DENND4A: variants seen among roughly 807,000 people sequenced by gnomAD.
The protein encoded by DENND4A is DENN domain containing 4A.
A neutral mutation model predicts 199.3 loss-of-function variants in DENND4A; 70 were observed. That is an observed-to-expected ratio of 0.35 (90% CI 0.29 to 0.43). DENND4A has a LOEUF of 0.43. Among genes scored for constraint, DENND4A ranks in the 20% least tolerant of loss-of-function variants. The pLI is 1.00. For missense variants in DENND4A, 1,723 were observed against 2,255.8 expected (o/e 0.76, Z 4.78); for synonymous variants, 686 against 766.9 (o/e 0.89, Z 1.74).
intron 23 of DENND4A, among the ~76,000 whole-genome samples, chr15:65,686,340 G>C (rs2076779748): frequency 6.6e-6 from 1 of 152,104 alleles, no homozygotes; most frequent in Non-Finnish European, 1.5e-5. Context: ...TGTAGTTGTT[G>C]AGTGTATATT....
intron 12 of DENND4A, among the ~76,000 whole-genome samples, chr15:65,718,843 G>A (rs1303892609): frequency 7.8e-6 from 1 of 127,464 alleles, no homozygotes; most frequent in Admixed American, 1.0e-4. Context: ...ACAGTGGCAC[G>A]ATCTCAGCTT....
chr15:65,756,585 A>G (rs2076706859), intron 2 of DENND4A, 113 bp from the exon 3 acceptor site: 1 of 649,518 alleles, frequency 1.5e-6, no homozygotes, highest in Non-Finnish European at 2.6e-6. Context: ...TCCTTGATAA[A>G]CACAGTAGCA....
In DENND4A at chr15:65,704,750, C is replaced by A. The variant is rs1596478583; in HGVS notation, c.2087+1341G>T. 3.3e-5 allele frequency among the ~76,000 whole-genome samples: 5 copies of A among 152,120 alleles called. No homozygotes were observed. The South Asian group carries it at 1.0e-3, about 32-fold the overall frequency. Reference sequence around the variant, plus strand: ...GGATTACAGGCACCTGCAACCATGCCTAGCTAATTTTTGTATTTTTAGCAG... The same window carrying A: ...GGATTACAGGCACCTGCAACCATGCATAGCTAATTTTTGTATTTTTAGCAG... On this transcript the variant is annotated intron_variant, in intron 15 of 32. Transcript: ENST00000443035.
chr15:65,708,477 CT>C (rs1379790368), intron 14 of DENND4A, among the ~76,000 whole-genome samples: 5 of 152,120 alleles, frequency 3.3e-5, no homozygotes, highest in South Asian at 4.1e-4. Flanking sequence ...AAATTTTGCA[CT>C]GTAGACTCAA....
chr15:65,784,869 G>A (rs146859516), intron 1 of DENND4A, among the ~76,000 whole-genome samples: 4 of 152,110 alleles, frequency 2.6e-5, no homozygotes, highest in East Asian at 3.9e-4. Flanking sequence ...CACCTGGGCC[G>A]GGCAATGGTG....
chr15:65,697,219 G>A (rs1462906414), intron 21 of DENND4A, 48 bp downstream of exon 21: 4 of 1,164,868 alleles, frequency 3.4e-6, no homozygotes, highest in Non-Finnish European at 5.0e-6. Flanking sequence ...CATTTTCTAT[G>A]AATATAAGTT....
chr15:65,686,418 A>AC (rs1491091183), intron 23 of DENND4A, among the ~76,000 whole-genome samples: 6 of 152,074 alleles, frequency 3.9e-5, no homozygotes, highest in Admixed American at 2.0e-4. Flanking sequence ...AATTTTTGTT[A>AC]CCTCTTCTAT....
At position 65,715,513 on chromosome 15, in the gene DENND4A, C is replaced by T; in HGVS notation, c.1918G>A (p.Ala640Thr). ...CAATCATCAAAAAATGCCAGGCTTG[C>T]ATCTTTGTCACTAACAAAAGAACAT... is the stretch of plus-strand genomic sequence containing the variant. Reference protein sequence around the residue: ...EECSFVSDKDASLAFFDDCVD... With the variant: ...EECSFVSDKDTSLAFFDDCVD... The change falls in exon 14 of 33, where the codon GCA becomes ACA. Residue 640 changes from alanine to threonine, a missense_variant. Coordinates refer to ENST00000443035, the MANE Select transcript of DENND4A (RefSeq NM_001320835.1). The T allele has an allele frequency of 6.2e-7, 1 of 1,611,722 alleles. No individual in the cohort carries two copies. Among genetic ancestry groups the T allele is most frequent in the Non-Finnish European group, 8.5e-7 (1 of 1,179,350 alleles).
At chr15:65,714,403 A>T (rs183731037) in intron 14 of DENND4A, among the ~76,000 whole-genome samples, 90 of 134,800 alleles carry the variant, frequency 6.7e-4, no homozygotes, top group African/African-American at 2.5e-3. Flanking sequence ...ACAGAGCGAG[A>T]CTCCGTCTCA....
rs1181108918 is a variant in DENND4A at position 65,706,310 on chromosome 15, C to CT, written c.1954-87dup. 1.5e-5 allele frequency: 19 copies of CT among 1,252,774 alleles called. No homozygotes were observed. The South Asian group carries it at 2.5e-4, about 17-fold the overall frequency. The allele number at this position is 1,252,774 out of a possible 1,614,324, so 77.6% of individuals were successfully genotyped here. A position where few individuals can be genotyped will look rare whatever the true frequency, so the allele number is the denominator to read the frequency against. On this transcript the variant is annotated intron_variant, in intron 14 of 32. Coordinates refer to ENST00000443035, the MANE Select transcript of DENND4A (RefSeq NM_001320835.1). ...AAAGGGAAGTGGTTAAATAAACCAT[C>CT]TGCACAATGGATACTAAACAGCTAT...
chr15:65,664,285 TC>T, intron 32 of DENND4A, 44 bp downstream of exon 32: 1 of 1,069,644 alleles, frequency 9.3e-7, no homozygotes. Context: ...TGAAAACTAT[TC>T]CATGATATAT....
At chr15:65,790,284 C>T (rs1228325332) in intron 1 of DENND4A, among the ~76,000 whole-genome samples, 1 of 152,142 alleles carries the variant, frequency 6.6e-6, no homozygotes, top group Non-Finnish European at 1.5e-5. Flanking sequence ...TCCTGGCTCT[C>T]TTGCACAGAC....
In DENND4A at chr15:65,772,464, T is replaced by C. The variant is rs549275401; in HGVS notation, c.-101-11026A>G. Among the ~76,000 whole-genome samples the C allele has an allele frequency of 1.3e-3, 199 of 152,058 alleles. 1 individual carries two copies. The highest frequency in any genetic ancestry group is 4.6e-3 in the African/African-American group (192 of 41,468). Reference sequence around the variant, plus strand: ...TGGCTCACACCTGTAATCCCAGCACTTTGGGAGGCCAAGGCAGGCAGACCA... The same window carrying C: ...TGGCTCACACCTGTAATCCCAGCACCTTGGGAGGCCAAGGCAGGCAGACCA... On this transcript the variant is annotated intron_variant, in intron 1 of 32. Transcript: ENST00000443035.
At chr15:65,777,106 T>C (rs1296887470) in intron 1 of DENND4A, among the ~76,000 whole-genome samples, 1 of 152,074 alleles carries the variant, frequency 6.6e-6, no homozygotes, top group Non-Finnish European at 1.5e-5. Context: ...AAGCGGAGGA[T>C]GCAGTGAGCT....
chr15:65,772,171 A>T (rs2077151557), intron 1 of DENND4A: 1 of 689,938 alleles, frequency 1.4e-6, no homozygotes, highest in African/African-American at 1.8e-5. Flanking sequence ...ATTTTCAATT[A>T]CATTAGCAAC....
chr15:65,674,006 TG>T (rs1157720674), intron 24 of DENND4A, among the ~76,000 whole-genome samples: 7 of 151,456 alleles, frequency 4.6e-5, no homozygotes, highest in Admixed American at 3.9e-4. Flanking sequence ...AAGAAGGGAG[TG>T]GGGCTAATCA....
At chr15:65,724,512 G>GT (rs2075746845) in intron 11 of DENND4A, among the ~76,000 whole-genome samples, 2 of 152,004 alleles carry the variant, frequency 1.3e-5, no homozygotes, top group African/African-American at 4.8e-5. Context: ...CAGGTGTGTA[G>GT]TGGAACTTGC....
intron 1 of DENND4A, among the ~76,000 whole-genome samples, chr15:65,768,677 T>C (rs968536866): frequency 6.6e-6 from 1 of 152,096 alleles, no homozygotes; most frequent in Non-Finnish European, 1.5e-5. Context: ...CTGTATAGTT[T>C]TTCATTTTAA....
In DENND4A at chr15:65,717,920, C is replaced by A; in HGVS notation, c.1665G>T (p.Leu555Phe). Reference sequence around the variant, plus strand: ...CTTGGATTTCCAAATCTATCATGTGCAACCTCTTTCCAGAATTAAAATCAT... The same window carrying A: ...CTTGGATTTCCAAATCTATCATGTGAAACCTCTTTCCAGAATTAAAATCAT... The part of the protein sequence containing the change: ...NDYDFNSGKR[L>F]HMIDLEIQEA... Residue 555 changes from leucine to phenylalanine, a missense_variant, in exon 13 of 33, where the codon TTG becomes TTT. Coordinates refer to ENST00000443035, the MANE Select transcript of DENND4A (RefSeq NM_001320835.1). 6.2e-7 allele frequency: 1 copy of A among 1,609,512 alleles called. No individual in the cohort carries two copies. The highest frequency in any genetic ancestry group is 2.2e-5 in the East Asian group (1 of 44,816).
Sources: gnomAD v4.1 joint callset for allele counts (sites outside exome capture counted in the v4.1 genomes callset) on GRCh38, gnomAD v4.1.1 for gene constraint, MANE v1.5 for transcripts, NCBI Gene and HGNC (gene_info 2026-07-23, HGNC 2026-07-21) for gene names.